Variants in PACS1 observed in about 807,000 individuals in gnomAD.
The protein encoded by PACS1 is phosphofurin acidic cluster sorting protein 1, also known as PACS-1.
A neutral mutation model predicts 115.0 loss-of-function variants in PACS1; 24 were observed. That is an observed-to-expected ratio of 0.21 (90% CI 0.15 to 0.29). The LOEUF (loss-of-function observed/expected upper bound fraction) is 0.29. Among genes scored for constraint, PACS1 ranks in the 10% least tolerant of loss-of-function variants. The probability of loss-of-function intolerance (pLI) is 1.00; values close to 1 mark genes in which losing one functional copy is unlikely to be tolerated. For missense variants in PACS1, 838 were observed against 1,251.2 expected (o/e 0.67, Z 4.98); for synonymous variants, 453 against 504.5 (o/e 0.90, Z 1.37).
chr11:66,077,801 C>T (rs1857422149), intron 1 of PACS1, among the ~76,000 whole-genome samples: 1 of 147,240 alleles, frequency 6.8e-6, no homozygotes, highest in Non-Finnish European at 1.5e-5. Context: ...CTCCGAGGTT[C>T]AAGCAATTCT....
At chr11:66,143,559 A>G (rs1859050656) in intron 1 of PACS1, among the ~76,000 whole-genome samples, 1 of 152,224 alleles carries the variant, frequency 6.6e-6, no homozygotes, top group African/African-American at 2.4e-5. Flanking sequence ...GAAGAAATGA[A>G]TGGGAAATTT....
chr11:66,233,101 A>T lies in PACS1; in HGVS notation c.1838+35A>T. On this transcript the variant is annotated intron_variant, in intron 15 of 23. Coordinates refer to ENST00000320580, the MANE Select transcript of PACS1 (RefSeq NM_018026.4). The surrounding 1 kb of genome is among the most constrained non-coding windows in gnomAD (Gnocchi z 4.5). ...CTGGCCTCCCTTCTCCTGCCCTTAG[A>T]GATTCCCTCTGACCTCATCTTCCAA... The T allele has an allele frequency of 6.8e-7, 1 of 1,465,866 alleles. No homozygotes were observed. The allele number at this position is 1,465,866 out of a possible 1,614,324, so 90.8% of individuals were successfully genotyped here. A position where few individuals can be genotyped will look rare whatever the true frequency, so the allele number is the denominator to read the frequency against.
Position 66,223,422 on chromosome 11 carries a change from G to A in PACS1, c.1293+2175G>A, listed in dbSNP as rs573450676. On this transcript the variant is annotated intron_variant, in intron 10 of 23. Coordinates refer to ENST00000320580, the MANE Select transcript of PACS1 (RefSeq NM_018026.4). ...TTTTTTTTTTTTGAGATAGGGTCTCGCTGTACTCCCCAGGCTGGAGTGCAG... is the reference window on the plus strand; with the variant it reads ...TTTTTTTTTTTTGAGATAGGGTCTCACTGTACTCCCCAGGCTGGAGTGCAG... 9.9e-4 allele frequency among the ~76,000 whole-genome samples: 150 copies of A among 150,962 alleles called. 2 individuals carry two copies. The South Asian group carries it at 0.028, about 28-fold the overall frequency.
chr11:66,088,228 T>C (rs890746124), intron 1 of PACS1, among the ~76,000 whole-genome samples: 1 of 152,110 alleles, frequency 6.6e-6, no homozygotes, highest in African/African-American at 2.4e-5. Context: ...ACTCTTTCAG[T>C]GGTGTCTTTC....
chr11:66,096,417 T>C (rs550485868), intron 1 of PACS1, among the ~76,000 whole-genome samples: 1 of 151,986 alleles, frequency 6.6e-6, no homozygotes, highest in Non-Finnish European at 1.5e-5. Flanking sequence ...CATTGAAACA[T>C]GATATAATTT....
intron 1 of PACS1, among the ~76,000 whole-genome samples, chr11:66,127,028 C>T (rs926122429): frequency 6.6e-5 from 10 of 152,102 alleles, no homozygotes; most frequent in Middle Eastern, 3.4e-3. Context: ...AGGATGTAAA[C>T]GACTTTCTTT....
chr11:66,106,155 C>A (rs914943507), intron 1 of PACS1, among the ~76,000 whole-genome samples: 1 of 152,186 alleles, frequency 6.6e-6, no homozygotes, highest in Non-Finnish European at 1.5e-5. Flanking sequence ...TGAGGCCCAC[C>A]GCTGTGGCTC....
At chr11:66,165,563 T>C (rs1859582415) in intron 1 of PACS1, among the ~76,000 whole-genome samples, 1 of 152,154 alleles carries the variant, frequency 6.6e-6, no homozygotes, top group Admixed American at 6.5e-5. Context: ...TGTGTCAAAC[T>C]TGCATGTCCT....
At chr11:66,184,830 A>G (rs1254336212) in intron 1 of PACS1, among the ~76,000 whole-genome samples, 1 of 152,222 alleles carries the variant, frequency 6.6e-6, no homozygotes, top group Admixed American at 6.5e-5. Flanking sequence ...CTCCTAGCAC[A>G]GAGCTAAGTA....
intron 10 of PACS1, among the ~76,000 whole-genome samples, chr11:66,223,437 C>G (rs898485581): frequency 2.0e-5 from 3 of 151,530 alleles, no homozygotes; most frequent in Admixed American, 1.3e-4. Flanking sequence ...ACTCCCCAGG[C>G]TGGAGTGCAG....
At chr11:66,209,619 G>A (rs974223516) in intron 2 of PACS1, among the ~76,000 whole-genome samples, 1 of 152,120 alleles carries the variant, frequency 6.6e-6, no homozygotes, top group South Asian at 2.1e-4. Flanking sequence ...GGACTGGTAA[G>A]AATGTTTGGG....
intron 10 of PACS1, among the ~76,000 whole-genome samples, chr11:66,225,247 T>G (rs930287828): frequency 4.6e-5 from 7 of 152,224 alleles, no homozygotes; most frequent in Admixed American, 4.6e-4. Context: ...CAGCTGACAT[T>G]GTCCATGAGC....
At chr11:66,216,461 A>T in intron 5 of PACS1, 59 bp from the exon 6 acceptor site, 1 of 1,517,952 alleles carries the variant, frequency 6.6e-7, no homozygotes, top group East Asian at 2.3e-5. Context: ...CAGCCCATCG[A>T]AGTTTCTTAG....
Position 66,235,927 on chromosome 11 carries a change from T to C in PACS1, c.2237T>C (p.Ile746Thr), listed in dbSNP as rs1411314149. The C allele has an allele frequency of 6.2e-7, 1 of 1,614,006 alleles. No individual in the cohort carries two copies. The highest frequency in any genetic ancestry group is 8.5e-7 in the Non-Finnish European group (1 of 1,179,866). ...GATGAAGACTCCTATCAGAAGTTTA[T>C]TCCCTTCATTGGCGTGAGTACTGAC... ...FPDEDSYQKF[I>T]PFIGVVKVGL... The change falls in exon 19 of 24, where the codon ATT becomes ACT. Residue 746 changes from isoleucine to threonine, a missense_variant. Around this residue, in one of 6 missense-constraint regions of PACS1, gnomAD observed 383 missense variants for 537.0 expected, o/e 0.71. Transcript: ENST00000320580. This position sits in a 1 kb window ranked among gnomAD's most constrained non-coding sequence, Gnocchi z 5.6.
intron 1 of PACS1, among the ~76,000 whole-genome samples, chr11:66,091,522 T>C (rs1475839837): frequency 6.6e-6 from 1 of 151,310 alleles, no homozygotes; most frequent in Non-Finnish European, 1.5e-5. Flanking sequence ...CTTTTTTTTT[T>C]CTTTTATTAT....
At chr11:66,149,875 G>C (rs1039952374) in intron 1 of PACS1, among the ~76,000 whole-genome samples, 3 of 152,110 alleles carry the variant, frequency 2.0e-5, no homozygotes, top group Admixed American at 1.3e-4. Flanking sequence ...TCAGCCTCCT[G>C]AGTAGCTGGG....
At chr11:66,115,846 A>T (rs1459975759) in intron 1 of PACS1, among the ~76,000 whole-genome samples, 2 of 152,232 alleles carry the variant, frequency 1.3e-5, no homozygotes, top group African/African-American at 4.8e-5. Context: ...CGCTTAAAGC[A>T]CGAAGGCGTT....
intron 1 of PACS1, among the ~76,000 whole-genome samples, chr11:66,193,026 T>C (rs1854563575): frequency 6.6e-6 from 1 of 152,226 alleles, no homozygotes; most frequent in Admixed American, 6.5e-5. Flanking sequence ...TCAGGTGTGA[T>C]CAGGTGGAAA....
intron 20 of PACS1, 133 bp from the exon 21 acceptor site, chr11:66,239,009 G>C: frequency 6.9e-7 from 1 of 1,440,702 alleles, no homozygotes; most frequent in East Asian, 2.4e-5. Flanking sequence ...GTGGTGGCTG[G>C]GGGAGGTGGA....
Sources: allele counts gnomAD v4.1 joint callset (sites outside exome capture counted in the v4.1 genomes callset), GRCh38; gene constraint gnomAD v4.1.1; regional missense constraint gnomAD v4.1.1; non-coding constraint Gnocchi (gnomAD v3.1); transcripts MANE v1.5; gene names NCBI Gene and HGNC (gene_info 2026-07-23, HGNC 2026-07-21).